TJP1: variants seen among roughly 807,000 people sequenced by gnomAD.
TJP1 encodes the protein tight junction protein ZO-1.
A neutral mutation model predicts 194.2 loss-of-function variants in TJP1; 43 were observed. That is an observed-to-expected ratio of 0.22 (90% CI 0.17 to 0.29). The LOEUF (loss-of-function observed/expected upper bound fraction) is 0.29, where lower values mean the gene tolerates loss of function less well. Among genes scored for constraint, TJP1 ranks in the 10% least tolerant of loss-of-function variants. The pLI, the probability that TJP1 is intolerant of heterozygous loss-of-function variation, is 1.00. For missense variants in TJP1, 1,971 were observed against 2,185.7 expected (o/e 0.90, Z 1.96); for synonymous variants, 801 against 779.0 (o/e 1.03, Z -0.47).
intron 2 of TJP1, among the ~76,000 whole-genome samples, chr15:29,774,737 T>C (rs975155958): frequency 8.5e-5 from 13 of 152,052 alleles, no homozygotes; most frequent in Admixed American, 3.3e-4. Flanking sequence ...TTTAATTGTT[T>C]GGCATGTGAA....
chr15:29,731,078 AC>A (rs1566914779), intron 15 of TJP1: 6 of 540,638 alleles, frequency 1.1e-5, no homozygotes, highest in South Asian at 2.2e-5. Flanking sequence ...ATTTTGTTTT[AC>A]TTTTTTTTTT....
intron 4 of TJP1, among the ~76,000 whole-genome samples, chr15:29,767,010 G>T (rs2046370718): frequency 1.3e-5 from 2 of 152,156 alleles, no homozygotes; most frequent in Admixed American, 1.3e-4. Context: ...ACCTCTAAGA[G>T]ATAATTTATT....
At chr15:29,949,527 C>T (rs2055501016) in intron 2 of TJP1, among the ~76,000 whole-genome samples, 3 of 145,164 alleles carry the variant, frequency 2.1e-5, no homozygotes, top group Admixed American at 7.0e-5. Context: ...TCCACCACCA[C>T]CACCTCCACC....
At chr15:29,708,231 G>T (rs1336116866) in intron 25 of TJP1, among the ~76,000 whole-genome samples, 1 of 151,490 alleles carries the variant, frequency 6.6e-6, no homozygotes, top group Admixed American at 6.6e-5. Context: ...GGGCTCAGAG[G>T]TCGGATGACC....
intron 2 of TJP1, among the ~76,000 whole-genome samples, chr15:29,954,111 A>AT (rs2055855207): frequency 6.6e-6 from 1 of 152,164 alleles, no homozygotes; most frequent in South Asian, 2.1e-4. Flanking sequence ...GGGTAGCATT[A>AT]TTTTTTCCCT....
intron 2 of TJP1, among the ~76,000 whole-genome samples, chr15:29,934,713 T>G (rs926378185): frequency 7.2e-5 from 11 of 152,240 alleles, no homozygotes; most frequent in Non-Finnish European, 1.5e-4. Context: ...CTTCTATGTG[T>G]ATGCATAACT....
At chr15:29,733,571 A>G (rs986074996) in intron 12 of TJP1, among the ~76,000 whole-genome samples, 1 of 152,252 alleles carries the variant, frequency 6.6e-6, no homozygotes, top group African/African-American at 2.4e-5. Context: ...GTTTTCTATT[A>G]TATCATCTAA....
At position 29,766,341 on chromosome 15, in the gene TJP1, C is replaced by G; in HGVS notation, c.514G>C (p.Asp172His). The G allele has an allele frequency of 6.2e-7, 1 of 1,614,252 alleles. No homozygotes were observed. Among genetic ancestry groups the G allele is most frequent in the Non-Finnish European group, 8.5e-7 (1 of 1,180,046 alleles). The stretch of plus-strand genomic sequence containing the variant: ...TGGCTGGAAGCCACTGACCGCCTGT[C>G]TGACCGCGGGGACAAGCTCCTCTCT... ...SRERSLSPRS[D>H]RRSVASSQPA... The change falls in exon 5 of 28, where the codon GAC becomes CAC. Residue 172 changes from aspartate (D) to histidine (H), a missense_variant. This residue lies in a region of TJP1 where 245 missense variants were observed against 336.6 expected (regional missense o/e 0.73). Transcript: ENST00000614355.
rs141675782 is a variant in TJP1 at position 29,963,731 on chromosome 15, G to A, written c.173+4936C>T. ...TGCAGTGGCATGATCTCGGCTCACT[G>A]CAACCTCCACCTCCTGGGTTCAAGC... is the stretch of plus-strand genomic sequence containing the variant. On this transcript the variant is annotated intron_variant, in intron 1 of 28. Transcript: ENST00000356107. Among the ~76,000 whole-genome samples, 1,294 of 152,230 alleles carry A rather than the reference G, an allele frequency of 8.5e-3. 24 individuals are homozygous for A. Among genetic ancestry groups the A allele is most frequent in the African/African-American group, 0.03 (1,245 of 41,522 alleles).
chr15:29,808,484 A>G (rs2049262790), intron 1 of TJP1, among the ~76,000 whole-genome samples: 1 of 152,206 alleles, frequency 6.6e-6, no homozygotes, highest in South Asian at 2.1e-4. Flanking sequence ...CTAATGTATT[A>G]TGTTATTTAA....
intron 10 of TJP1, among the ~76,000 whole-genome samples, chr15:29,739,700 C>T (rs1351164230): frequency 6.6e-6 from 1 of 152,132 alleles, no homozygotes; most frequent in African/African-American, 2.4e-5. Flanking sequence ...CCACCTCGGA[C>T]TCCCAAAGTG....
rs181570276 is a variant in TJP1 at position 29,702,680 on chromosome 15, G to A, written c.5213-991C>T. 2.6e-5 allele frequency among the ~76,000 whole-genome samples: 4 copies of A among 152,240 alleles called. No homozygotes were observed. In the East Asian group the frequency reaches 7.7e-4, roughly 29 times the overall value. ...CAGCTGAGAACTTTGCTTACAGTAC[G>A]TTAGACATTACCTAAGCAATATCTG... is the stretch of plus-strand genomic sequence containing the variant. On this transcript the variant is annotated intron_variant, in intron 27 of 27. Coordinates refer to ENST00000614355, the MANE Select transcript of TJP1 (RefSeq NM_001330239.4).
intron 2 of TJP1, among the ~76,000 whole-genome samples, chr15:29,856,855 CT>C (rs2051874431): frequency 6.8e-6 from 1 of 146,344 alleles, no homozygotes; most frequent in African/African-American, 2.5e-5. Context: ...AAGACTCCGT[CT>C]CAAAAAAAAA....
chr15:29,712,695 CCTT>C (rs992126992), intron 23 of TJP1, among the ~76,000 whole-genome samples: 2 of 152,016 alleles, frequency 1.3e-5, no homozygotes, highest in Admixed American at 6.6e-5. Context: ...GAACTTTGCT[CCTT>C]CTCCACCTCT....
At position 29,950,192 on chromosome 15, in the gene TJP1, A is replaced by T. The variant is rs796087265; in HGVS notation, c.306+6040T>A. ...AACCACTACCTCCACCTCCACCACC[A>T]CCACCACTTCCATCTCCACCTTTAC... On this transcript the variant is annotated intron_variant, in intron 2 of 28. Coordinates refer to the TJP1 transcript ENST00000356107. 8.5e-3 allele frequency among the ~76,000 whole-genome samples: 1,114 copies of T among 131,578 alleles called. 17 individuals carry two copies. Among genetic ancestry groups the T allele is most frequent in the African/African-American group, 0.029 (1,027 of 34,966 alleles). 86.3% of individuals were successfully genotyped at this position (131,578 alleles called of 152,430 possible). A position where few individuals can be genotyped will look rare whatever the true frequency, so the allele number is the denominator to read the frequency against.
chr15:29,798,093 CCT>C (rs1193927544), intron 2 of TJP1, among the ~76,000 whole-genome samples: 1 of 152,114 alleles, frequency 6.6e-6, no homozygotes, highest in Non-Finnish European at 1.5e-5. Context: ...CCTGCCTCAG[CCT>C]CCAAGTAGCT....
intron 1 of TJP1, among the ~76,000 whole-genome samples, chr15:29,960,595 C>A (rs1430111634): frequency 6.7e-6 from 1 of 149,978 alleles, no homozygotes; most frequent in African/African-American, 2.5e-5. Flanking sequence ...GTGATCATAC[C>A]ACTGCACTCC....
chr15:29,881,995 G>T (rs1402863840), intron 2 of TJP1, among the ~76,000 whole-genome samples: 1 of 151,610 alleles, frequency 6.6e-6, no homozygotes, highest in African/African-American at 2.4e-5. Flanking sequence ...TCATTGTTAG[G>T]GTGGTTTCAA....
At position 29,908,670 on chromosome 15, in the gene TJP1, G is replaced by A. The variant is rs184051395; in HGVS notation, c.306+47562C>T. ...ATGGCAATTCCAATCCCTTTGATAC[G>A]ACCTGAGATGTGAAGTTGGCTAGGA... On this transcript the variant is annotated intron_variant, in intron 2 of 28. Transcript: ENST00000356107. Among the ~76,000 whole-genome samples, 1,250 of 149,166 alleles carry A rather than the reference G, an allele frequency of 8.4e-3. 13 individuals are homozygous for A. The highest frequency in any genetic ancestry group is 0.028 in the African/African-American group (1,148 of 41,368).
Sources: allele counts gnomAD v4.1 joint callset (sites outside exome capture counted in the v4.1 genomes callset), GRCh38; gene constraint gnomAD v4.1.1; regional missense constraint gnomAD v4.1.1; transcripts MANE v1.5; gene names NCBI Gene and HGNC (gene_info 2026-07-23, HGNC 2026-07-21).